The following ANKRD30BL variants were observed in gnomAD, a reference collection of about 807,000 sequenced individuals.
The protein encoded by ANKRD30BL is putative ankyrin repeat domain-containing protein 30B-like.
Under a neutral mutation model 18.4 loss-of-function variants are expected in ANKRD30BL, and 20 were observed. That is an observed-to-expected ratio of 1.09 (90% confidence interval 0.77 to 1.58). The LOEUF (loss-of-function observed/expected upper bound fraction) is 1.58. Ranked by LOEUF, ANKRD30BL falls within the 40% of genes most tolerant of loss-of-function variation. The pLI is 0.00. For synonymous variants in ANKRD30BL, 72 were observed against 100.9 expected, an observed-to-expected ratio of 0.71 and a Z score of 1.72; for missense variants, 224 against 268.6, an observed-to-expected ratio of 0.83 and a Z score of 1.16.
intron 1 of ANKRD30BL, among the ~76,000 whole-genome samples, chr2:132,228,580 A>G (rs1008996468): frequency 1.7e-4 from 25 of 151,368 alleles, no homozygotes; most frequent in African/African-American, 4.2e-4. Flanking sequence ...TTTGAGGCCT[A>G]TGGTGGAAAA....
At chr2:132,226,010 T>G (rs1003847923) in intron 1 of ANKRD30BL, among the ~76,000 whole-genome samples, 1 of 152,024 alleles carries the variant, frequency 6.6e-6, no homozygotes, top group Non-Finnish European at 1.5e-5. Flanking sequence ...AGGAAGTATC[T>G]TCACATAAAA....
rs542568324 is a variant in ANKRD30BL at position 132,223,333 on chromosome 2, C to T, written n.441+34196G>A. 6.0e-5 allele frequency among the ~76,000 whole-genome samples: 9 copies of T among 150,624 alleles called. 1 individual carries two copies. The highest frequency in any genetic ancestry group is 2.2e-4 in the African/African-American group (9 of 41,094). ...TCACAAACTTCTTTGTGATGTGTGCCTTCAACTCACAGAGTTGAAACTTTC... is the reference window on the plus strand; with the variant it reads ...TCACAAACTTCTTTGTGATGTGTGCTTTCAACTCACAGAGTTGAAACTTTC... On this transcript the variant is annotated intron_variant and non_coding_transcript_variant, in intron 1 of 4. Coordinates refer to the ANKRD30BL transcript ENST00000470729.
intron 1 of ANKRD30BL, among the ~76,000 whole-genome samples, chr2:132,202,453 G>A (rs556458641): frequency 7.2e-4 from 108 of 149,176 alleles, no homozygotes; most frequent in Non-Finnish European, 1.2e-3. Flanking sequence ...TTACAAATGG[G>A]ACTTGAATAT....
intron 1 of ANKRD30BL, among the ~76,000 whole-genome samples, chr2:132,245,487 G>A (rs77386823): frequency 0.055 from 8 of 146 alleles, no homozygotes; most frequent in South Asian, 0.25. Context: ...ACTGCTTTGT[G>A]ATGCTTGCAA....
chr2:132,232,601 T>C (rs1680053835), intron 1 of ANKRD30BL, among the ~76,000 whole-genome samples: 1 of 151,678 alleles, frequency 6.6e-6, no homozygotes, highest in African/African-American at 2.4e-5. Context: ...GAAGATGAAA[T>C]GAATGAAATG....
chr2:132,170,312 G>C (rs1040731113), intron 1 of ANKRD30BL, among the ~76,000 whole-genome samples: 1 of 152,072 alleles, frequency 6.6e-6, no homozygotes, highest in African/African-American at 2.4e-5. Flanking sequence ...GAATTTATTG[G>C]GCAAAAGGGA....
intron 1 of ANKRD30BL, among the ~76,000 whole-genome samples, chr2:132,200,738 C>G (rs1679081276): frequency 6.6e-6 from 1 of 152,118 alleles, no homozygotes; most frequent in Non-Finnish European, 1.5e-5. Context: ...TTTACACATT[C>G]AATGCCATCC....
intron 1 of ANKRD30BL, among the ~76,000 whole-genome samples, chr2:132,160,315 A>T (rs1688018783): frequency 6.7e-6 from 1 of 149,962 alleles, no homozygotes; most frequent in Non-Finnish European, 1.5e-5. Context: ...TGGCCAGGCT[A>T]GTCTTGAAAT....
intron 1 of ANKRD30BL, among the ~76,000 whole-genome samples, chr2:132,254,684 C>T (rs1191503661): frequency 2.0e-5 from 3 of 152,240 alleles, no homozygotes; most frequent in Non-Finnish European, 4.4e-5. Context: ...GTGTAGCGCG[C>T]GTGCAGCCCT....
At chr2:132,228,978 C>A (rs370779870) in intron 1 of ANKRD30BL, among the ~76,000 whole-genome samples, 1 of 151,982 alleles carries the variant, frequency 6.6e-6, no homozygotes, top group Non-Finnish European at 1.5e-5. Flanking sequence ...TTAGAAACAT[C>A]TTTGTGATGT....
chr2:132,195,164 T>C (rs1441959826), intron 1 of ANKRD30BL, among the ~76,000 whole-genome samples: 2 of 152,162 alleles, frequency 1.3e-5, no homozygotes, highest in Admixed American at 1.3e-4. Context: ...AATGATTCAA[T>C]ATTTCTATAA....
intron 1 of ANKRD30BL, among the ~76,000 whole-genome samples, chr2:132,206,082 C>T (rs201031161): frequency 6.6e-5 from 10 of 151,720 alleles, no homozygotes; most frequent in African/African-American, 1.2e-4. Context: ...CACTTGAACC[C>T]GGGAGGTGGA....
At chr2:132,225,944 C>CT (rs1679832959) in intron 1 of ANKRD30BL, among the ~76,000 whole-genome samples, 1 of 152,010 alleles carries the variant, frequency 6.6e-6, no homozygotes, top group African/African-American at 2.4e-5. Flanking sequence ...TTGAAACACT[C>CT]TTTTTGCAGA....
chr2:132,198,312 CTTTCTTT>C (rs1679013110), intron 1 of ANKRD30BL, among the ~76,000 whole-genome samples: 1 of 12,226 alleles, frequency 8.2e-5, no homozygotes, highest in Admixed American at 6.1e-4. Context: ...TTCTTTCTTT[CTTTCTTT>C]CTTTCTTTTT....
chr2:132,235,668 A>T, intron 1 of ANKRD30BL, among the ~76,000 whole-genome samples: 1 of 152,170 alleles, frequency 6.6e-6, no homozygotes, highest in South Asian at 2.1e-4. Context: ...ACTACAAACC[A>T]CTGCCCAAGG....
intron 1 of ANKRD30BL, among the ~76,000 whole-genome samples, chr2:132,177,883 T>TGTTTTTTTGTTTTTGTTTG (rs1553471112): frequency 7.2e-5 from 11 of 152,210 alleles, no homozygotes; most frequent in South Asian, 6.2e-4. Context: ...TTTTTTTGTT[T>TGTTTTTTTGTTTTTGTTTG]GTTTTTTTGT....
At position 132,198,984 on chromosome 2, in the gene ANKRD30BL, C is replaced by T. The variant is rs186308907; in HGVS notation, n.442-41838G>A. 8.0e-3 allele frequency among the ~76,000 whole-genome samples: 1,222 copies of T among 152,224 alleles called. 11 individuals are homozygous for T. Among genetic ancestry groups the T allele is most frequent in the African/African-American group, 0.027 (1,140 of 41,530 alleles). ...AGGAAAATATTTCAATAATTTATCA[C>T]TGCAATTAGCTGAAGTTATAAAATT... On this transcript the variant is annotated intron_variant and non_coding_transcript_variant, in intron 1 of 4. Transcript: ENST00000470729.
chr2:132,156,266 T>C (rs1687902230), intron 3 of ANKRD30BL: 1 of 152,182 alleles, frequency 6.6e-6, no homozygotes, highest in African/African-American at 2.4e-5. Context: ...TAGAAGATGA[T>C]TATTTATGGT....
intron 1 of ANKRD30BL, among the ~76,000 whole-genome samples, chr2:132,216,366 G>C (rs12615141): frequency 1.3e-5 from 2 of 151,148 alleles, no homozygotes; most frequent in Non-Finnish European, 3.0e-5. Flanking sequence ...TCACATAAGA[G>C]CTAGACAGAA....
Sources: gnomAD v4.1 joint callset for allele counts (sites outside exome capture counted in the v4.1 genomes callset) on GRCh38, gnomAD v4.1.1 for gene constraint, MANE v1.5 for transcripts, NCBI Gene and HGNC (gene_info 2026-07-23, HGNC 2026-07-21) for gene names.